Variants in USP10 observed in about 807,000 individuals in gnomAD.
The protein encoded by USP10 is ubiquitin carboxyl-terminal hydrolase 10.
Under a neutral mutation model 84.5 loss-of-function variants are expected in USP10, and 22 were observed. The observed-to-expected ratio is 0.26, with a 90% CI of 0.19 to 0.37. USP10 has a LOEUF of 0.37. Among genes scored for constraint, USP10 ranks in the 10% least tolerant of loss-of-function variants. USP10 has a pLI of 1.00. For missense variants in USP10, 1,019 were observed against 998.9 expected (o/e 1.02, Z -0.27); for synonymous variants, 454 against 387.6 (o/e 1.17, Z -2.01).
intron 4 of USP10, among the ~76,000 whole-genome samples, chr16:84,757,098 A>G (rs545326225): frequency 3.1e-4 from 47 of 152,290 alleles, no homozygotes; most frequent in Admixed American, 1.7e-3. Flanking sequence ...TGAATAATAT[A>G]CACAAAGCTT....
At chr16:84,756,026 C>T (rs7206710) in intron 4 of USP10, among the ~76,000 whole-genome samples, 161 of 152,272 alleles carry the variant, frequency 1.1e-3, no homozygotes, top group African/African-American at 3.7e-3. Context: ...CATTTGGTGG[C>T]TTCAACCCCT....
intron 1 of USP10, among the ~76,000 whole-genome samples, chr16:84,721,600 T>A (rs768664325): frequency 1.3e-5 from 2 of 152,222 alleles, no homozygotes; most frequent in Non-Finnish European, 2.9e-5. Flanking sequence ...TGATCATAGC[T>A]CACTGCAGCC....
chr16:84,736,666 C>T (rs958594096), intron 2 of USP10, among the ~76,000 whole-genome samples: 44 of 152,208 alleles, frequency 2.9e-4, no homozygotes, highest in Admixed American at 2.9e-3. Context: ...GGAAGTAGCA[C>T]ACATCCCAAC....
chr16:84,759,425 T>C lies in USP10; in HGVS notation c.1347T>C (p.Tyr449=). The C allele has an allele frequency of 6.2e-7, 1 of 1,614,026 alleles. No individual in the cohort carries two copies. The highest frequency in any genetic ancestry group is 1.3e-5 in the African/African-American group (1 of 75,052). The change falls in exon 6 of 14, where the codon TAT becomes TAC. Residue 449 remains tyrosine, a synonymous_variant. Transcript: ENST00000219473. ...MYHLMKFIPL[Y]SKVQRPCTST... Reference sequence around the variant, plus strand: ...ACCTGATGAAGTTCATTCCTCTGTATTCCAAAGTGCAAAGGCCTTGTACGT... The same window carrying C: ...ACCTGATGAAGTTCATTCCTCTGTACTCCAAAGTGCAAAGGCCTTGTACGT...
rs896123519 is a variant in USP10, at chr16:84,711,741, T to G, written c.21+11630T>G. 2.8e-3 allele frequency among the ~76,000 whole-genome samples: 333 copies of G among 119,774 alleles called. 1 individual carries two copies. The highest frequency in any genetic ancestry group is 9.5e-3 in the African/African-American group (293 of 30,810). 78.6% of individuals were successfully genotyped at this position (119,774 alleles called of 152,430 possible). A position where few individuals can be genotyped will look rare whatever the true frequency, so the allele number is the denominator to read the frequency against. The stretch of plus-strand genomic sequence containing the variant: ...TAGCTTTTTTTTTTTTTTTTTTTTT[T>G]GTCTGAGATGGAGTCTTGTTCTGTC... On this transcript the variant is annotated intron_variant, in intron 1 of 13. Coordinates refer to ENST00000219473, the MANE Select transcript of USP10 (RefSeq NM_005153.3).
intron 4 of USP10, among the ~76,000 whole-genome samples, chr16:84,758,022 C>G (rs186990448): frequency 1.7e-4 from 26 of 152,302 alleles, no homozygotes; most frequent in African/African-American, 6.0e-4. Context: ...ATGGTTAATT[C>G]TATAAAGATG....
intron 1 of USP10, among the ~76,000 whole-genome samples, chr16:84,727,460 AAAC>A (rs984990425): frequency 1.5e-4 from 10 of 67,230 alleles, no homozygotes; most frequent in Non-Finnish European, 2.2e-4. Context: ...AGCTTTAAAA[AAAC>A]AAACAAACAA....
chr16:84,727,667 C>G (rs150055595), intron 1 of USP10, among the ~76,000 whole-genome samples: 6 of 152,354 alleles, frequency 3.9e-5, no homozygotes, highest in Non-Finnish European at 7.3e-5. Context: ...TACGGATACA[C>G]ATACAGACAC....
intron 12 of USP10, among the ~76,000 whole-genome samples, chr16:84,773,553 C>CT: frequency 6.6e-6 from 1 of 152,356 alleles, no homozygotes; most frequent in African/African-American, 2.4e-5. Context: ...GACTCAGACA[C>CT]TGTCTCTCCC....
At chr16:84,723,479 A>T (rs1908075377) in intron 1 of USP10, among the ~76,000 whole-genome samples, 1 of 152,232 alleles carries the variant, frequency 6.6e-6, no homozygotes, top group Non-Finnish European at 1.5e-5. Context: ...ATTCAGAGTG[A>T]TCAAGTTAAG....
Position 84,770,502 on chromosome 16 carries a change from G to T in USP10, c.1999-2039G>T, listed in dbSNP as rs373097833. Among the ~76,000 whole-genome samples, 4 of 152,174 alleles carry T rather than the reference G, an allele frequency of 2.6e-5. No homozygotes were observed. The South Asian group carries it at 8.3e-4, about 32-fold the overall frequency. Reference sequence around the variant, plus strand: ...ATTAAGCCTCAGTTGGCTGGGCGAGGTGGCTCACACCTGTAATCCCAGCAC... The same window carrying T: ...ATTAAGCCTCAGTTGGCTGGGCGAGTTGGCTCACACCTGTAATCCCAGCAC... On this transcript the variant is annotated intron_variant, in intron 11 of 13. Transcript: ENST00000219473.
rs746522487 is a variant in USP10 at position 84,733,473 on chromosome 16, A to G, written c.60A>G (p.Gln20=). ...ATTTTAGCCCTGATGAATTCAATCAATTCTTTGTGACTCCTCGATCTTCAG... is the reference window on the plus strand; with the variant it reads ...ATTTTAGCCCTGATGAATTCAATCAGTTCTTTGTGACTCCTCGATCTTCAG... The part of the protein sequence containing the change: ...FGDFSPDEFN[Q]FFVTPRSSVE... The change falls in exon 2 of 14, where the codon CAA becomes CAG. Residue 20 remains glutamine, a synonymous_variant. Transcript: ENST00000219473. 6.2e-6 allele frequency: 10 copies of G among 1,610,472 alleles called. No individual in the cohort carries two copies. The highest frequency in any genetic ancestry group is 2.2e-5 in the East Asian group (1 of 44,732).
chr16:84,748,484 A>C (rs1481462106), intron 4 of USP10, among the ~76,000 whole-genome samples: 3 of 151,910 alleles, frequency 2.0e-5, no homozygotes, highest in Non-Finnish European at 4.4e-5. Flanking sequence ...TTGTATTTTT[A>C]GTAGAGACCG....
chr16:84,754,455 G>A (rs552278347), intron 4 of USP10, among the ~76,000 whole-genome samples: 1 of 152,284 alleles, frequency 6.6e-6, no homozygotes, highest in East Asian at 1.9e-4. Context: ...GCTTGGTGGA[G>A]TACATTTCCT....
chr16:84,774,013 G>A (rs777571762), intron 12 of USP10, among the ~76,000 whole-genome samples: 3 of 152,136 alleles, frequency 2.0e-5, no homozygotes, highest in African/African-American at 7.2e-5. Flanking sequence ...ACTTTGGGAG[G>A]CCGAGGCAGG....
chr16:84,728,792 G>T (rs1908845273), intron 1 of USP10, among the ~76,000 whole-genome samples: 1 of 151,976 alleles, frequency 6.6e-6, no homozygotes, highest in Admixed American at 6.5e-5. Flanking sequence ...TTTATAAGCA[G>T]CACCTCTTCT....
At chr16:84,749,343 T>C (rs1407955073) in intron 4 of USP10, among the ~76,000 whole-genome samples, 1 of 152,216 alleles carries the variant, frequency 6.6e-6, no homozygotes, top group Non-Finnish European at 1.5e-5. Flanking sequence ...TTAAAAGATC[T>C]GTTGATGTGG....
At chr16:84,707,026 C>T (rs1347644432) in intron 1 of USP10, among the ~76,000 whole-genome samples, 3 of 152,200 alleles carry the variant, frequency 2.0e-5, no homozygotes, top group African/African-American at 7.2e-5. Context: ...TACAGCAACT[C>T]TGTCCTGTAT....
chr16:84,770,721 G>A (rs983730609), intron 11 of USP10, among the ~76,000 whole-genome samples: 9 of 149,514 alleles, frequency 6.0e-5, no homozygotes, highest in East Asian at 2.0e-4. Context: ...GCAGTGAGCC[G>A]AGATAGCGCC....
Sources: allele counts gnomAD v4.1 joint callset (sites outside exome capture counted in the v4.1 genomes callset), GRCh38; gene constraint gnomAD v4.1.1; transcripts MANE v1.5; gene names NCBI Gene and HGNC (gene_info 2026-07-23, HGNC 2026-07-21).